The following DNAAF5 variants were observed in gnomAD, a reference collection of about 807,000 sequenced individuals.
The protein encoded by DNAAF5 is HEAT repeat containing 2.
Under a neutral mutation model 75.8 loss-of-function variants are expected in DNAAF5, and 64 were observed. The ratio of observed to expected loss-of-function variants is 0.84; its 90% CI spans 0.69 to 1.04. The LOEUF (loss-of-function observed/expected upper bound fraction) is 1.04, where lower values mean the gene tolerates loss of function less well. Among genes scored for constraint, DNAAF5 ranks in the 50% least tolerant of loss-of-function variants. The probability of loss-of-function intolerance (pLI) is 0.00; values close to 1 mark genes in which losing one functional copy is unlikely to be tolerated. For synonymous variants in DNAAF5, 657 were observed against 557.2 expected, an observed-to-expected ratio of 1.18 and a Z score of -2.52; for missense variants, 1,269 against 1,178.5, an observed-to-expected ratio of 1.08 and a Z score of -1.12.
At chr7:783,628 G>A (rs538321420) in intron 12 of DNAAF5, among the ~76,000 whole-genome samples, 2 of 152,222 alleles carry the variant, frequency 1.3e-5, no homozygotes, top group Non-Finnish European at 2.9e-5. Context: ...GCGAATTGGA[G>A]ACCAATTGGA....
chr7:755,885 A>G (rs1232260489), intron 5 of DNAAF5, among the ~76,000 whole-genome samples: 4 of 152,240 alleles, frequency 2.6e-5, no homozygotes, highest in Non-Finnish European at 4.4e-5. Flanking sequence ...AGCAAGAGAC[A>G]CGGGGGTGAG....
intron 4 of DNAAF5, among the ~76,000 whole-genome samples, chr7:752,699 G>T (rs751852789): frequency 1.4e-4 from 22 of 152,208 alleles, no homozygotes; most frequent in African/African-American, 5.1e-4. Flanking sequence ...TCAAAAGACC[G>T]CTCTGTAACA....
Position 736,777 on chromosome 7 carries a change from T to G in DNAAF5, c.781-4042T>G, listed in dbSNP as rs140866639. Among the ~76,000 whole-genome samples, 802 of 152,310 alleles carry G rather than the reference T, an allele frequency of 5.3e-3. 1 individual carries two copies. The highest frequency in any genetic ancestry group is 7.5e-3 in the Admixed American group (114 of 15,300). On this transcript the variant is annotated intron_variant, in intron 2 of 12. Transcript: ENST00000297440. ...TGGTTGTTTCGTGGTCTGCTCTTCC[T>G]TCCTTCTTGCCTTCTTGTTTTCCTT...
chr7:737,738 C>G (rs1029175591), intron 2 of DNAAF5, among the ~76,000 whole-genome samples: 3 of 152,238 alleles, frequency 2.0e-5, no homozygotes, highest in Admixed American at 2.0e-4. Context: ...TGCCAAGCCA[C>G]TGTCTCCTGC....
chr7:764,618 G>C (rs1782765511), intron 8 of DNAAF5, among the ~76,000 whole-genome samples: 1 of 152,252 alleles, frequency 6.6e-6, no homozygotes, highest in African/African-American at 2.4e-5. Flanking sequence ...CCTGTTGGAT[G>C]TGTGCACCAG....
intron 4 of DNAAF5, among the ~76,000 whole-genome samples, chr7:742,659 ACATGCCCAGCTCAAATCAAT>A (rs1271171274): frequency 7.2e-4 from 107 of 149,490 alleles, no homozygotes; most frequent in African/African-American, 2.4e-3. Flanking sequence ...AGCTCAAATC[ACATGCCCAGCTCAAATCAAT>A]CATGCCCAGC....
chr7:744,911 CTG>C (rs576273978), intron 4 of DNAAF5, among the ~76,000 whole-genome samples: 9 of 152,160 alleles, frequency 5.9e-5, no homozygotes, highest in Non-Finnish European at 1.2e-4. Flanking sequence ...ACCACTCAAT[CTG>C]TTTTAAAATG....
intron 4 of DNAAF5, among the ~76,000 whole-genome samples, chr7:743,307 T>C (rs1323782751): frequency 2.0e-5 from 3 of 152,106 alleles, no homozygotes; most frequent in Admixed American, 6.5e-5. Context: ...TCCAGGAAGT[T>C]GAGGCTGCGG....
chr7:756,657 A>C (rs1782494124), intron 5 of DNAAF5, 125 bp from the exon 6 acceptor site: 2 of 817,824 alleles, frequency 2.4e-6, no homozygotes, highest in East Asian at 4.9e-5. Context: ...CCAAGGACTC[A>C]CTCTGCCTAA....
intron 8 of DNAAF5, among the ~76,000 whole-genome samples, chr7:765,869 A>T (rs959477368): frequency 6.6e-6 from 1 of 151,982 alleles, no homozygotes; most frequent in Non-Finnish European, 1.5e-5. Flanking sequence ...CTACTTCTGT[A>T]TGTTTTTCTA....
intron 9 of DNAAF5, 51 bp from the exon 10 acceptor site, chr7:773,997 T>C (rs753152060): frequency 6.2e-7 from 1 of 1,610,410 alleles, no homozygotes; most frequent in Admixed American, 1.7e-5. Context: ...GAAACGTTTC[T>C]TCCGAGCACC....
intron 11 of DNAAF5, among the ~76,000 whole-genome samples, chr7:777,686 T>C (rs548701347): frequency 1.3e-5 from 2 of 152,320 alleles, no homozygotes; most frequent in South Asian, 4.1e-4. Context: ...AAGATGGTTC[T>C]TGCTAATTCC....
Position 785,827 on chromosome 7 carries a change from C to A in DNAAF5, c.*174C>A. 1 of 665,830 alleles carries A rather than the reference C, an allele frequency of 1.5e-6. No homozygotes were observed. The highest frequency in any genetic ancestry group is 2.5e-6 in the Non-Finnish European group (1 of 403,688). 41.2% of individuals were successfully genotyped at this position (665,830 alleles called of 1,614,324 possible). ...TGGAATAACAGCCTCTGAGTGGATT[C>A]TGCATGTTATGTGATTTGTTCTGTT... On this transcript the variant is annotated 3_prime_UTR_variant, in exon 13 of 13. Transcript: ENST00000297440.
chr7:754,356 G>A lies in DNAAF5; in HGVS notation c.1025-233G>A, dbSNP rs1782415649. Among the ~76,000 whole-genome samples, 1 of 152,116 alleles carries A rather than the reference G, an allele frequency of 6.6e-6. No homozygotes were observed. The highest frequency in any genetic ancestry group is 2.4e-5 in the African/African-American group (1 of 41,420). The stretch of plus-strand genomic sequence containing the variant: ...GCCCAGGCTGGTCTTGACTTCCTGG[G>A]CTCTAGTGATCCACCTGCCTTGGCC... On this transcript the variant is annotated intron_variant, in intron 4 of 12. Coordinates refer to ENST00000297440, the MANE Select transcript of DNAAF5 (RefSeq NM_017802.4). This position sits in a 1 kb window ranked among gnomAD's most constrained non-coding sequence, Gnocchi z 4.8.
chr7:757,556 G>A (rs1315088023), intron 6 of DNAAF5, among the ~76,000 whole-genome samples: 2 of 152,254 alleles, frequency 1.3e-5, no homozygotes, highest in Non-Finnish European at 2.9e-5. Context: ...GCCCAGCTGA[G>A]GATTTGCCAG....
intron 4 of DNAAF5, among the ~76,000 whole-genome samples, chr7:748,615 CT>C (rs1782194264): frequency 1.3e-5 from 2 of 152,296 alleles, no homozygotes; most frequent in Admixed American, 6.5e-5. Flanking sequence ...CCCATCCCCC[CT>C]GCTCTGTTTC....
intron 8 of DNAAF5, among the ~76,000 whole-genome samples, chr7:767,155 C>T (rs906319151): frequency 2.0e-5 from 3 of 148,490 alleles, no homozygotes; most frequent in Admixed American, 1.4e-4. Context: ...AGGACAATGG[C>T]GTGAACCCAG....
Position 779,890 on chromosome 7 carries a change from T to C in DNAAF5, c.2240-63T>C, listed in dbSNP as rs896410157. 9.8e-6 allele frequency: 14 copies of C among 1,435,204 alleles called. No individual in the cohort carries two copies. The African/African-American group carries it at 2.0e-4, about 20-fold the overall frequency. 88.9% of individuals were successfully genotyped at this position (1,435,204 alleles called of 1,614,324 possible). On this transcript the variant is annotated intron_variant, in intron 11 of 12. Transcript: ENST00000297440. The stretch of plus-strand genomic sequence containing the variant: ...TGGGAGTATGAACTAAATGCCTTTG[T>C]GGACGTTTAGACGTGAAATGTCTGC...
intron 5 of DNAAF5, among the ~76,000 whole-genome samples, chr7:755,363 A>T (rs981398536): frequency 6.6e-6 from 1 of 152,140 alleles, no homozygotes; most frequent in Admixed American, 6.5e-5. Context: ...TCCCATGCTC[A>T]GGCCTCTCCT....
Sources: gnomAD v4.1 joint callset for allele counts (sites outside exome capture counted in the v4.1 genomes callset) on GRCh38, gnomAD v4.1.1 for gene constraint, Gnocchi (gnomAD v3.1) non-coding constraint, MANE v1.5 for transcripts, NCBI Gene and HGNC (gene_info 2026-07-23, HGNC 2026-07-21) for gene names.